Variants in NUP98 observed in about 807,000 individuals in gnomAD.
NUP98 encodes the protein nucleoporin 98 and 96 precursor.
In NUP98, 26 loss-of-function variants were observed where a neutral mutation model predicts 191.9. The observed-to-expected ratio is 0.14, with a 90% CI of 0.10 to 0.19. The LOEUF is 0.19. Among genes scored for constraint, NUP98 ranks in the 10% least tolerant of loss-of-function variants. The probability of loss-of-function intolerance (pLI) is 1.00; values close to 1 mark genes in which losing one functional copy is unlikely to be tolerated. For synonymous variants in NUP98, 808 were observed against 778.4 expected (o/e 1.04, Z -0.63); for missense variants, 1,941 against 2,178.8 (o/e 0.89, Z 2.17).
Position 3,775,948 on chromosome 11 carries a change from T to G in NUP98, c.429A>C (p.Thr143=), listed in dbSNP as rs1317305724. The change falls in exon 5 of 33, where the codon ACA becomes ACC. Residue 143 remains threonine, a synonymous_variant. Coordinates refer to ENST00000324932, the MANE Select transcript of NUP98 (RefSeq NM_016320.5). ...TACTTGGCCCAAAGAGGGAGCCAGA[T>G]GTGCTGCCAAAAGGATTAGAGGTGG... ...TNTTSNPFGS[T]SGSLFGPSSF... is the part of the protein sequence containing the mutation. 7 of 1,613,458 alleles carry G rather than the reference T, an allele frequency of 4.3e-6. No homozygotes were observed.
chr11:3,755,697 G>A (rs975256100), intron 10 of NUP98, among the ~76,000 whole-genome samples: 2 of 152,172 alleles, frequency 1.3e-5, no homozygotes, highest in African/African-American at 2.4e-5. Context: ...GGGCGCAGTG[G>A]CTCACGCCTG....
chr11:3,693,327 C>T lies in NUP98; in HGVS notation c.4216G>A (p.Asp1406Asn). Reference sequence around the variant, plus strand: ...TGGATAGCCAGGGAGCGTTTCCAATCCAACTGGGAGCACACGTTTATTTGC... The same window carrying T: ...TGGATAGCCAGGGAGCGTTTCCAATTCAACTGGGAGCACACGTTTATTTGC... ...KKQINVCSQL[D>N]WKRSLAIHLW... Residue 1406 changes from aspartate (D) to asparagine (N), a missense_variant, in exon 27 of 33, where the codon GAT becomes AAT. Physicochemically the swap from Asp to Asn is conservative, Grantham distance 23. Coordinates refer to ENST00000324932, the MANE Select transcript of NUP98 (RefSeq NM_016320.5). The T allele has an allele frequency of 6.2e-7, 1 of 1,614,188 alleles. No individual in the cohort carries two copies. Among genetic ancestry groups the T allele is most frequent in the South Asian group, 1.1e-5 (1 of 91,076 alleles).
chr11:3,735,426 G>A, intron 12 of NUP98, 102 bp from the exon 13 acceptor site: 1 of 572,826 alleles, frequency 1.7e-6, no homozygotes, highest in Non-Finnish European at 2.5e-6. Context: ...TGAAGAAGTG[G>A]TCTTCAAAAT....
chr11:3,782,085 C>G lies in NUP98; in HGVS notation c.33G>C (p.Gly11=). 6 of 1,612,686 alleles carry G rather than the reference C, an allele frequency of 3.7e-6. No homozygotes were observed. The highest frequency in any genetic ancestry group is 5.1e-6 in the Non-Finnish European group (6 of 1,179,434). The change falls in exon 2 of 33, where the codon GGG becomes GGC. Residue 11 remains glycine, a synonymous_variant. Transcript: ENST00000324932. ...TTGTGCCAAAGCCACCTGTGCCACC[C>G]CCAAAGGGTGTTCCAAATGATTTGT... MFNKSFGTPF[G]GGTGGFGTTS... is the part of the protein sequence containing the mutation.
intron 21 of NUP98, among the ~76,000 whole-genome samples, chr11:3,705,774 G>A (rs1054504720): frequency 5.9e-5 from 9 of 152,134 alleles, no homozygotes. Flanking sequence ...AGTACCCTGT[G>A]ATGTAGACAA....
intron 8 of NUP98, among the ~76,000 whole-genome samples, chr11:3,763,352 A>C (rs897992346): frequency 5.3e-5 from 8 of 152,128 alleles, no homozygotes; most frequent in Non-Finnish European, 1.0e-4. Context: ...CTATTAAATA[A>C]TAAGACTTTA....
chr11:3,758,385 A>T (rs79814849), intron 10 of NUP98, among the ~76,000 whole-genome samples: 7,652 of 152,248 alleles, frequency 0.05, 256 homozygotes, highest in Middle Eastern at 0.099. Flanking sequence ...CTTAAAAATG[A>T]AAAAATAGTC....
intron 24 of NUP98, among the ~76,000 whole-genome samples, chr11:3,699,940 A>T (rs1589982652): frequency 6.6e-6 from 1 of 152,224 alleles, no homozygotes; most frequent in Non-Finnish European, 1.5e-5. Context: ...GATTCAGAAA[A>T]ACATGGTCAT....
chr11:3,790,417 C>G (rs998326082), intron 1 of NUP98, among the ~76,000 whole-genome samples: 1 of 152,298 alleles, frequency 6.6e-6, no homozygotes, highest in East Asian at 1.9e-4. Flanking sequence ...AAATATTGTT[C>G]TAGATTAGTG....
intron 1 of NUP98, among the ~76,000 whole-genome samples, chr11:3,783,613 T>C (rs1464479832): frequency 2.0e-5 from 3 of 152,108 alleles, no homozygotes; most frequent in African/African-American, 7.2e-5. Flanking sequence ...GCAGGAGAAC[T>C]GCTTGAACCT....
chr11:3,729,038 A>G (rs577480330), intron 14 of NUP98, among the ~76,000 whole-genome samples: 1 of 152,334 alleles, frequency 6.6e-6, no homozygotes, highest in South Asian at 2.1e-4. Context: ...AAACATGGAC[A>G]TGTTAATTTT....
At chr11:3,797,074 C>T (rs866355658) in intron 1 of NUP98, among the ~76,000 whole-genome samples, 10 of 152,368 alleles carry the variant, frequency 6.6e-5, no homozygotes, top group South Asian at 2.1e-4. Context: ...GGCGCTGACC[C>T]CGGAAAGGCC....
At chr11:3,783,053 T>C (rs980263070) in intron 1 of NUP98, among the ~76,000 whole-genome samples, 2 of 152,222 alleles carry the variant, frequency 1.3e-5, no homozygotes, top group African/African-American at 2.4e-5. Flanking sequence ...CCCCTACTTA[T>C]CTATCTTCTA....
Position 3,735,224 on chromosome 11 carries a change from C to A in NUP98, c.1509G>T (p.Arg503=), listed in dbSNP as rs753672237. The A allele has an allele frequency of 6.3e-7, 1 of 1,599,168 alleles. No individual in the cohort carries two copies. The part of the protein sequence containing the change: ...YSPFGDSPLF[R]NPMSDPKKKE... ...TCTTCTTAGGGTCTGACATCGGATT[C>A]CGGAAGAGAGGAGAGTCTCCAAAAG... Residue 503 remains arginine (R), a synonymous_variant, in exon 13 of 33, where the codon CGG becomes CGT. Transcript: ENST00000324932.
intron 28 of NUP98, among the ~76,000 whole-genome samples, chr11:3,689,219 C>A (rs1427811571): frequency 3.3e-5 from 5 of 152,052 alleles, no homozygotes; most frequent in Non-Finnish European, 5.9e-5. Flanking sequence ...GGTGACAGAG[C>A]AAAACCCTGT....
At chr11:3,754,605 A>G (rs2080891602) in intron 10 of NUP98, among the ~76,000 whole-genome samples, 1 of 152,116 alleles carries the variant, frequency 6.6e-6, no homozygotes, top group African/African-American at 2.4e-5. Flanking sequence ...CTTCTTCACT[A>G]TGACCCACCA....
In NUP98 at chr11:3,693,214, T is replaced by C. The variant is rs768339247; in HGVS notation, c.4311+18A>G. 2.4e-5 allele frequency: 38 copies of C among 1,612,722 alleles called. No homozygotes were observed. In the Admixed American group the frequency reaches 6.4e-4, roughly 27 times the overall value. ...ACACCCAGCAAGATTTTTGCTTGGC[T>C]CTATTGGCCACATATACCTGAAATG... is the stretch of plus-strand genomic sequence containing the variant. On this transcript the variant is annotated intron_variant, in intron 27 of 32. Coordinates refer to ENST00000324932, the MANE Select transcript of NUP98 (RefSeq NM_016320.5).
chr11:3,702,303 ACACACACACACTCTCTCT>A (rs2078711544), intron 23 of NUP98, among the ~76,000 whole-genome samples, 142 bp downstream of exon 23: 1 of 58,822 alleles, frequency 1.7e-5, no homozygotes, highest in African/African-American at 6.3e-5. Flanking sequence ...ACACACACAC[ACACACACACACTCTCTCT>A]CTCTCTCTCT....
intron 29 of NUP98, among the ~76,000 whole-genome samples, 166 bp downstream of exon 29, chr11:3,685,807 A>G (rs2078117238): frequency 6.6e-6 from 1 of 152,228 alleles, no homozygotes; most frequent in Non-Finnish European, 1.5e-5. Flanking sequence ...ATGAATACAG[A>G]AACAGTCTAG....
Sources: gnomAD v4.1 joint callset for allele counts (sites outside exome capture counted in the v4.1 genomes callset) on GRCh38, gnomAD v4.1.1 for gene constraint, MANE v1.5 for transcripts, NCBI Gene and HGNC (gene_info 2026-07-23, HGNC 2026-07-21) for gene names.